NPAS2: variants seen among roughly 807,000 people sequenced by gnomAD.
The protein encoded by NPAS2 is neuronal PAS domain protein 2.
A neutral mutation model predicts 107.5 loss-of-function variants in NPAS2; 23 were observed. The ratio of observed to expected loss-of-function variants is 0.21; its 90% CI spans 0.15 to 0.30. NPAS2 has a LOEUF of 0.30. NPAS2 is among the 10% of genes least tolerant of loss of function. The probability of loss-of-function intolerance (pLI) is 1.00; values close to 1 mark genes in which losing one functional copy is unlikely to be tolerated. For synonymous variants in NPAS2, 403 were observed against 417.5 expected, an observed-to-expected ratio of 0.97 and a Z score of 0.42; for missense variants, 756 against 1,043.3, an observed-to-expected ratio of 0.72 and a Z score of 3.79.
chr2:100,823,052 C>T (rs935852988), intron 1 of NPAS2, among the ~76,000 whole-genome samples: 9 of 152,064 alleles, frequency 5.9e-5, no homozygotes, highest in Non-Finnish European at 1.0e-4. Context: ...CATCTCATCT[C>T]GATGGGGCCT....
At chr2:100,858,973 A>G (rs1678760403) in intron 1 of NPAS2, among the ~76,000 whole-genome samples, 1 of 152,088 alleles carries the variant, frequency 6.6e-6, no homozygotes, top group Non-Finnish European at 1.5e-5. Flanking sequence ...TAATAAAAAC[A>G]CATGCATTTG....
At chr2:100,852,303 A>T (rs1037216336) in intron 1 of NPAS2, among the ~76,000 whole-genome samples, 1 of 152,174 alleles carries the variant, frequency 6.6e-6, no homozygotes, top group African/African-American at 2.4e-5. Flanking sequence ...AGGCTGAGGC[A>T]GGAGAATGGC....
At chr2:100,865,642 C>G (rs1242899734) in intron 1 of NPAS2, among the ~76,000 whole-genome samples, 1 of 152,162 alleles carries the variant, frequency 6.6e-6, no homozygotes, top group African/African-American at 2.4e-5. Context: ...CCTTCTGACC[C>G]CATTTCAGAG....
At chr2:100,990,756 C>G (rs200142684) in intron 18 of NPAS2, 24 bp from the exon 19 acceptor site, 29 of 1,606,168 alleles carry the variant, frequency 1.8e-5, no homozygotes, top group Non-Finnish European at 2.5e-5. Flanking sequence ...GATCAGTTTC[C>G]TATTTCCCCA....
intron 12 of NPAS2, among the ~76,000 whole-genome samples, chr2:100,973,949 C>T (rs879843554): frequency 2.0e-5 from 3 of 152,246 alleles, no homozygotes; most frequent in Non-Finnish European, 4.4e-5. Flanking sequence ...TCAAACCATT[C>T]TCCTGCCTCA....
intron 15 of NPAS2, 69 bp from the exon 16 acceptor site, chr2:100,982,162 C>T: frequency 6.4e-7 from 1 of 1,570,928 alleles, no homozygotes; most frequent in Non-Finnish European, 8.7e-7. Context: ...GACCGAGCAG[C>T]AGCAAGATCT....
intron 2 of NPAS2, among the ~76,000 whole-genome samples, chr2:100,919,677 C>T (rs560567925): frequency 7.2e-5 from 11 of 152,302 alleles, no homozygotes; most frequent in Admixed American, 7.2e-4. Flanking sequence ...CTACCATTCA[C>T]GACTGCGCCG....
intron 1 of NPAS2, among the ~76,000 whole-genome samples, chr2:100,874,264 C>T (rs1679812705): frequency 6.6e-6 from 1 of 152,062 alleles, no homozygotes; most frequent in Non-Finnish European, 1.5e-5. Context: ...ATAACCAACT[C>T]TTAATTGTTG....
At chr2:100,938,391 G>T (rs1207066629) in intron 5 of NPAS2, among the ~76,000 whole-genome samples, 1 of 152,154 alleles carries the variant, frequency 6.6e-6, no homozygotes, top group African/African-American at 2.4e-5. Flanking sequence ...GGAGTGAGGA[G>T]TGTCTGGGTG....
chr2:100,974,658 A>G, intron 12 of NPAS2, 145 bp from the exon 13 acceptor site: 3 of 862,494 alleles, frequency 3.5e-6, no homozygotes, highest in South Asian at 1.8e-5. Flanking sequence ...TACTCTACCC[A>G]AGCATCTTTG....
At chr2:100,886,486 T>A (rs887008794) in intron 1 of NPAS2, among the ~76,000 whole-genome samples, 3 of 152,228 alleles carry the variant, frequency 2.0e-5, no homozygotes, top group Non-Finnish European at 4.4e-5. Context: ...TGGAGTTGTT[T>A]TTTTGCATTG....
chr2:100,985,318 C>T (rs992626353), intron 16 of NPAS2: 2 of 152,984 alleles, frequency 1.3e-5, no homozygotes, highest in African/African-American at 4.8e-5. Flanking sequence ...TCCTTCTGCC[C>T]GTCCTTTCTT....
intron 1 of NPAS2, chr2:100,878,683 T>A: frequency 1.1e-6 from 1 of 901,456 alleles, no homozygotes; most frequent in Non-Finnish European, 1.3e-6. Context: ...TTGGTGGCAT[T>A]GATTTTGTAG....
At chr2:100,957,087 TTCA>T (rs1287544844) in intron 7 of NPAS2, among the ~76,000 whole-genome samples, 6 of 152,242 alleles carry the variant, frequency 3.9e-5, no homozygotes. Flanking sequence ...TCCTTAGGGC[TTCA>T]TCATTTGCCA....
At chr2:100,840,413 C>T (rs1055982958) in intron 1 of NPAS2, among the ~76,000 whole-genome samples, 28 of 152,056 alleles carry the variant, frequency 1.8e-4, no homozygotes, top group Non-Finnish European at 3.5e-4. Context: ...TATTGAACTG[C>T]GCTGAAGGAC....
chr2:100,987,996 C>A, intron 16 of NPAS2, 83 bp from the exon 17 acceptor site: 1 of 1,447,024 alleles, frequency 6.9e-7, no homozygotes, highest in Non-Finnish European at 9.6e-7. Flanking sequence ...AAAGTTCTTA[C>A]TGGCACAGGG....
At chr2:100,833,352 G>A (rs1676862826) in intron 1 of NPAS2, among the ~76,000 whole-genome samples, 1 of 152,200 alleles carries the variant, frequency 6.6e-6, no homozygotes, top group African/African-American at 2.4e-5. Context: ...TCATAAAAAT[G>A]AAAAGTAGTG....
chr2:100,971,136 C>A, intron 12 of NPAS2, 62 bp downstream of exon 12: 2 of 1,487,584 alleles, frequency 1.3e-6, no homozygotes, highest in Non-Finnish European at 1.9e-6. Context: ...TGCAGCCAAC[C>A]AGTCTCTGAA....
At chr2:100,978,592 G>C (rs1390273502) in intron 15 of NPAS2, among the ~76,000 whole-genome samples, 1 of 152,182 alleles carries the variant, frequency 6.6e-6, no homozygotes, top group African/African-American at 2.4e-5. Flanking sequence ...TTCCATCCTT[G>C]TTTCAACAAC....
Sources: gnomAD v4.1 joint callset for allele counts (sites outside exome capture counted in the v4.1 genomes callset) on GRCh38, gnomAD v4.1.1 for gene constraint, MANE v1.5 for transcripts, NCBI Gene and HGNC (gene_info 2026-07-23, HGNC 2026-07-21) for gene names.